The following TMEM150B variants were observed in gnomAD, a reference collection of about 807,000 sequenced individuals.
TMEM150B encodes the protein modulator of macroautophagy TMEM150B.
In TMEM150B, 33 loss-of-function variants were observed where a neutral mutation model predicts 25.2. That is an observed-to-expected ratio of 1.31 (90% CI 0.99 to 1.75). The LOEUF is 1.75. Among genes scored for constraint, TMEM150B ranks in the 40% most tolerant of loss-of-function variants. The pLI is 0.00. For missense variants in TMEM150B, 322 were observed against 306.1 expected, an observed-to-expected ratio of 1.05 and a Z score of -0.39; for synonymous variants, 133 against 134.8, an observed-to-expected ratio of 0.99 and a Z score of 0.09.
downstream of TMEM150B, among the ~76,000 whole-genome samples, chr19:55,309,732 G>A (rs1418950244): frequency 6.6e-6 from 1 of 152,202 alleles, no homozygotes; most frequent in Non-Finnish European, 1.5e-5. Context: ...TTGGGAGGAT[G>A]CAGTGTTCAG....
At chr19:55,320,362 A>T in intron 5 of TMEM150B, 29 bp downstream of exon 5, 1 of 1,518,636 alleles carries the variant, frequency 6.6e-7, no homozygotes, top group Non-Finnish European at 8.8e-7. Context: ...GCTTGGGAGC[A>T]CTGAACCAAA....
downstream of TMEM150B, chr19:55,312,204 G>A (rs1873141031): frequency 2.1e-6 from 1 of 482,170 alleles, no homozygotes; most frequent in Admixed American, 3.9e-5. Context: ...CTGCAGGGAT[G>A]GGGCTCCACA....
chr19:55,320,390 C>T lies in TMEM150B; in HGVS notation c.196+1G>A, dbSNP rs1212034421. 1.3e-6 allele frequency: 2 copies of T among 1,548,526 alleles called. No homozygotes were observed. The highest frequency in any genetic ancestry group is 1.8e-4 in the Middle Eastern group (1 of 5,570). Reference sequence around the variant, plus strand: ...GAACCAAAGGGCTGGGCAATATTTACCCAGAGCAGCTCCCATATTGAGCAC... The same window carrying T: ...GAACCAAAGGGCTGGGCAATATTTATCCAGAGCAGCTCCCATATTGAGCAC... On this transcript the variant is annotated splice_donor_variant, in intron 5 of 7. Coordinates refer to ENST00000326652, the MANE Select transcript of TMEM150B (RefSeq NM_001282011.2). LOFTEE classifies it high-confidence loss of function.
intron 6 of TMEM150B, among the ~76,000 whole-genome samples, chr19:55,317,580 G>T: frequency 6.6e-6 from 1 of 152,114 alleles, no homozygotes; most frequent in Non-Finnish European, 1.5e-5. Context: ...AGGAGTTCGA[G>T]ACCAGCCTGG....
chr19:55,312,103 CA>C, downstream of TMEM150B: 2 of 1,055,244 alleles, frequency 1.9e-6, no homozygotes, highest in Non-Finnish European at 2.7e-6. Context: ...GACCCCCCTC[CA>C]CCCCCCTTCC....
chr19:55,317,019 G>A, intron 6 of TMEM150B, 53 bp from the exon 7 acceptor site: 2 of 1,529,852 alleles, frequency 1.3e-6, no homozygotes, highest in South Asian at 2.5e-5. Flanking sequence ...GAGGGTAAGG[G>A]GCACCAGAGG....
chr19:55,313,596 T>C lies in TMEM150B; in HGVS notation c.506-541A>G, dbSNP rs564112731. On this transcript the variant is annotated intron_variant, in intron 7 of 7. Coordinates refer to ENST00000326652, the MANE Select transcript of TMEM150B (RefSeq NM_001282011.2). Reference sequence around the variant, plus strand: ...CCACGACAACTCCACCATCCACTCATGTGCCCCAGCAGACACTCCCCCGGC... The same window carrying C: ...CCACGACAACTCCACCATCCACTCACGTGCCCCAGCAGACACTCCCCCGGC... Among the ~76,000 whole-genome samples, 10 of 152,252 alleles carry C rather than the reference T, an allele frequency of 6.6e-5. No individual in the cohort carries two copies. In the South Asian group the frequency reaches 1.7e-3, roughly 25 times the overall value.
chr19:55,320,159 C>T lies in TMEM150B; in HGVS notation c.204G>A (p.Trp68Ter), dbSNP rs779245374. 1 of 1,613,990 alleles carries T rather than the reference C, an allele frequency of 6.2e-7. No individual in the cohort carries two copies. Among genetic ancestry groups the T allele is most frequent in the Non-Finnish European group, 8.5e-7 (1 of 1,179,986 alleles). The change falls in exon 6 of 8, where the codon TGG becomes TGA. Residue 68 changes from tryptophan (W) to a stop codon, truncating the protein, a stop_gained. Coordinates refer to ENST00000326652, the MANE Select transcript of TMEM150B (RefSeq NM_001282011.2). LOFTEE classifies it high-confidence loss of function. ...VLNMGAALAA[W>*]ICIVRYHQLR... is the part of the protein sequence containing the mutation. ...GCTGGTGGTAACGGACAATGCAGAT[C>T]CACGCGGCTGGGAGTAGAGGGGAGA...
chr19:55,321,646 G>A (rs2089209869), intron 2 of TMEM150B, among the ~76,000 whole-genome samples: 3 of 152,154 alleles, frequency 2.0e-5, no homozygotes, highest in South Asian at 2.1e-4. Context: ...TGGGTTCAAC[G>A]TCCAAAGTCT....
chr19:55,313,816 G>A (rs927498024), intron 7 of TMEM150B, among the ~76,000 whole-genome samples: 15 of 122,572 alleles, frequency 1.2e-4, no homozygotes, highest in African/African-American at 4.8e-4. Flanking sequence ...TCCAGGCCTA[G>A]TAGAGACAGC....
chr19:55,310,943 T>C (rs1459358727), downstream of TMEM150B, among the ~76,000 whole-genome samples: 1 of 152,022 alleles, frequency 6.6e-6, no homozygotes. The surrounding 1 kb of genome is among the most constrained non-coding windows in gnomAD (Gnocchi z 5.0). Flanking sequence ...CCGTGGTTGC[T>C]ATGACAAGCC....
At chr19:55,311,972 AC>A, downstream of TMEM150B, 3 of 1,416,610 alleles carry the variant, frequency 2.1e-6, no homozygotes, top group Non-Finnish European at 2.8e-6. Context: ...TGCAGCCCCC[AC>A]CCGGCCGCCC....
intron 1 of TMEM150B, among the ~76,000 whole-genome samples, chr19:55,324,102 C>G (rs1181067846): frequency 6.6e-6 from 1 of 152,148 alleles, no homozygotes; most frequent in Non-Finnish European, 1.5e-5. Context: ...GCCATCGCGC[C>G]CAACCCGTCT....
chr19:55,320,009 G>T, intron 6 of TMEM150B, 30 bp downstream of exon 6: 2 of 1,613,840 alleles, frequency 1.2e-6, no homozygotes, highest in South Asian at 1.1e-5. Context: ...CGCCGGCCGG[G>T]ACAGACCCTG....
Position 55,316,844 on chromosome 19 carries a change from G to A in TMEM150B, c.447C>T (p.Ala149=). 1 of 1,588,078 alleles carries A rather than the reference G, an allele frequency of 6.3e-7. No homozygotes were observed. Among genetic ancestry groups the A allele is most frequent in the Non-Finnish European group, 8.5e-7 (1 of 1,171,044 alleles). ...RLKRLPQPGA[A]WIGPLRLGLC... is the part of the protein sequence containing the mutation. Reference sequence around the variant, plus strand: ...GGCCCAGGCGGAGGGGCCCAATCCAGGCAGCCCCGGGCTGGGGCAGCCTCT... The same window carrying A: ...GGCCCAGGCGGAGGGGCCCAATCCAAGCAGCCCCGGGCTGGGGCAGCCTCT... Residue 149 remains alanine, a synonymous_variant, in exon 7 of 8, where the codon GCC becomes GCT. Coordinates refer to ENST00000326652, the MANE Select transcript of TMEM150B (RefSeq NM_001282011.2).
intron 7 of TMEM150B, among the ~76,000 whole-genome samples, chr19:55,315,191 C>A (rs2088955126): frequency 6.6e-6 from 1 of 151,948 alleles, no homozygotes; most frequent in Non-Finnish European, 1.5e-5. Context: ...TGGTGCATGC[C>A]TGTAGTCCCA....
chr19:55,320,320 G>C (rs2089163533), intron 5 of TMEM150B, 71 bp downstream of exon 5: 2 of 1,502,066 alleles, frequency 1.3e-6, no homozygotes, highest in African/African-American at 1.4e-5. Flanking sequence ...CTGGGTTTGA[G>C]AAAGGAGCGG....
chr19:55,321,410 G>A (rs943507884), intron 2 of TMEM150B, among the ~76,000 whole-genome samples: 1 of 152,000 alleles, frequency 6.6e-6, no homozygotes, highest in African/African-American at 2.4e-5. Context: ...TGGGACTGGG[G>A]CTGGGTGAGC....
chr19:55,314,494 G>A (rs1254831010), intron 7 of TMEM150B, among the ~76,000 whole-genome samples: 1 of 152,168 alleles, frequency 6.6e-6, no homozygotes, highest in Non-Finnish European at 1.5e-5. Context: ...CCCACGAGCA[G>A]CTCCTTCTGC....
Sources: gnomAD v4.1 joint callset for allele counts (sites outside exome capture counted in the v4.1 genomes callset) on GRCh38, gnomAD v4.1.1 for gene constraint, Gnocchi (gnomAD v3.1) non-coding constraint, MANE v1.5 for transcripts, NCBI Gene and HGNC (gene_info 2026-07-23, HGNC 2026-07-21) for gene names.